Variants in ZNF493 observed in about 807,000 individuals in gnomAD.
ZNF493 encodes zinc finger protein 493.
ZNF493 carries 11 observed loss-of-function variants against 12.2 expected under a neutral mutation model. The ratio of observed to expected loss-of-function variants is 0.90; its 90% CI spans 0.57 to 1.50. The LOEUF (loss-of-function observed/expected upper bound fraction) is 1.50. Among genes scored for constraint, ZNF493 ranks in the 40% most tolerant of loss-of-function variants. The pLI, the probability that ZNF493 is intolerant of heterozygous loss-of-function variation, is 0.00. For missense variants in ZNF493, 950 were observed against 906.6 expected, an observed-to-expected ratio of 1.05 and a Z score of -0.61; for synonymous variants, 286 against 302.6, an observed-to-expected ratio of 0.95 and a Z score of 0.57.
chr19:21,416,462 C>T (rs1456340167), intron 3 of ZNF493, among the ~76,000 whole-genome samples: 2 of 152,184 alleles, frequency 1.3e-5, no homozygotes, highest in Non-Finnish European at 2.9e-5. Flanking sequence ...CTTCGATATA[C>T]TTCAGGGGCT....
Position 21,426,024 on chromosome 19 carries a change from G to A in ZNF493, c.*1040G>A, listed in dbSNP as rs1599383955. On this transcript the variant is annotated 3_prime_UTR_variant, in exon 4 of 4. Transcript: ENST00000392288. Reference sequence around the variant, plus strand: ...CATACTGGAGAGAAACCCTATGATTGTGAAAAATATGGCAAAGGCTTTAAC... The same window carrying A: ...CATACTGGAGAGAAACCCTATGATTATGAAAAATATGGCAAAGGCTTTAAC... The A allele has an allele frequency of 1.9e-6, 1 of 521,862 alleles. No homozygotes were observed. Among genetic ancestry groups the A allele is most frequent in the East Asian group, 5.5e-5 (1 of 18,180 alleles). 32.3% of individuals were successfully genotyped at this position (521,862 alleles called of 1,614,324 possible).
At chr19:21,403,148 T>G (rs1413130914) in intron 1 of ZNF493, among the ~76,000 whole-genome samples, 5 of 152,252 alleles carry the variant, frequency 3.3e-5, no homozygotes, top group Admixed American at 1.3e-4. Context: ...ATCTCTTTAC[T>G]TGTGCTCTCT....
chr19:21,423,196 GAAAC>G lies in ZNF493; in HGVS notation c.538_541del (p.Lys180LeufsTer105). 15 of 1,613,720 alleles carry G rather than the reference GAAAC, an allele frequency of 9.3e-6. No individual in the cohort carries two copies. Among genetic ancestry groups the G allele is most frequent in the Non-Finnish European group, 1.3e-5 (15 of 1,179,830 alleles). ...GACATAACACAAAACATACTGGAAA[GAAAC>G]CTTTCAAATGTAAAAAATGTGGCAA... On this transcript the variant is annotated frameshift_variant, in exon 4 of 4. Coordinates refer to ENST00000392288, the MANE Select transcript of ZNF493 (RefSeq NM_001076678.3). LOFTEE classifies it low-confidence loss of function (END_TRUNC).
intron 1 of ZNF493, 21 bp from the exon 2 acceptor site, chr19:21,405,108 G>A (rs1568377632): frequency 6.2e-7 from 1 of 1,608,814 alleles, no homozygotes; most frequent in Admixed American, 1.7e-5. Context: ...GTGTGTGTGT[G>A]TTTGTGTGTG....
At chr19:21,409,710 A>G (rs4638726) in intron 3 of ZNF493, among the ~76,000 whole-genome samples, 26,190 of 152,166 alleles carry the variant, frequency 0.17, 2,553 homozygotes, top group Non-Finnish European at 0.22. Flanking sequence ...GTGCCACTTC[A>G]TGTCAGCTTG....
intron 2 of ZNF493, 147 bp downstream of exon 2, chr19:21,405,402 GA>G (rs906568960): frequency 2.1e-6 from 3 of 1,458,304 alleles, no homozygotes; most frequent in Non-Finnish European, 2.7e-6. Flanking sequence ...TGTCCGTGTG[GA>G]AAAAAATTTC....
At position 21,420,655 on chromosome 19, in the gene ZNF493, T is replaced by TTTTC. The variant is rs766934918; in HGVS notation, c.254-2258_254-2257insTTTC. Among the ~76,000 whole-genome samples the TTTTC allele has an allele frequency of 3.6e-3, 166 of 46,496 alleles. 33 individuals carry two copies. Among genetic ancestry groups the TTTTC allele is most frequent in the East Asian group, 5.8e-3 (7 of 1,208 alleles). 30.5% of individuals were successfully genotyped at this position (46,496 alleles called of 152,430 possible). A position where few individuals can be genotyped will look rare whatever the true frequency, so the allele number is the denominator to read the frequency against. On this transcript the variant is annotated intron_variant, in intron 3 of 3. Coordinates refer to ENST00000392288, the MANE Select transcript of ZNF493 (RefSeq NM_001076678.3). ...TTTTTTTTTTTTTTTTTTTTTTTTT[T>TTTTC]CAGAACTTTGACTATATCACACAAT...
At position 21,406,736 on chromosome 19, in the gene ZNF493, G is replaced by GT. The variant is rs557257664; in HGVS notation, c.253+889dup. 2.8e-3 allele frequency among the ~76,000 whole-genome samples: 412 copies of GT among 148,006 alleles called. 2 individuals are homozygous for GT. Among genetic ancestry groups the GT allele is most frequent in the Middle Eastern group, 0.014 (4 of 282 alleles). ...ATAAAGTATGATGTCCCTCTGCTTT[G>GT]TTTTTTTTTCTCATAATTAATTTGG... On this transcript the variant is annotated intron_variant, in intron 3 of 3. Coordinates refer to ENST00000392288, the MANE Select transcript of ZNF493 (RefSeq NM_001076678.3).
rs2030724335 is a variant in ZNF493 at position 21,422,923 on chromosome 19, T to C, written c.264T>C (p.Ser88=). The part of the protein sequence containing the change: ...STVVKPPVIC[S]HFAEDFCPGP... Reference sequence around the variant, plus strand: ...TTTTATTTCTTTCAGTTATATGTTCTCATTTTGCTGAAGACTTTTGCCCAG... The same window carrying C: ...TTTTATTTCTTTCAGTTATATGTTCCCATTTTGCTGAAGACTTTTGCCCAG... Residue 88 remains serine, a synonymous_variant, in exon 4 of 4, where the codon TCT becomes TCC. Transcript: ENST00000392288. 1 of 1,553,194 alleles carries C rather than the reference T, an allele frequency of 6.4e-7. No homozygotes were observed. Among genetic ancestry groups the C allele is most frequent in the Non-Finnish European group, 8.7e-7 (1 of 1,155,346 alleles).
rs2030870950 is a variant in ZNF493, at chr19:21,426,956, T to C, written c.*1972T>C. 1 of 166,516 alleles carries C rather than the reference T, an allele frequency of 6.0e-6. No individual in the cohort carries two copies. Among genetic ancestry groups the C allele is most frequent in the South Asian group, 2.1e-4 (1 of 4,806 alleles). The allele number at this position is 166,516 out of a possible 1,614,324, so 10.3% of individuals were successfully genotyped here. Reference sequence around the variant, plus strand: ...AACTATATTCGGATTATACTTTGTTTCTTGAAAAAATTACAGATTTTTTGA... The same window carrying C: ...AACTATATTCGGATTATACTTTGTTCCTTGAAAAAATTACAGATTTTTTGA... On this transcript the variant is annotated 3_prime_UTR_variant, in exon 4 of 4. Transcript: ENST00000392288.
chr19:21,408,318 G>A (rs147838750), intron 3 of ZNF493: 56 of 626,338 alleles, frequency 8.9e-5, no homozygotes, highest in African/African-American at 7.0e-4. Flanking sequence ...TAGTGGAGAC[G>A]GGGTTTCACC....
chr19:21,424,852 T>C lies in ZNF493; in HGVS notation c.2193T>C (p.His731=), dbSNP rs754281440. ...AFNHSSNLIK[H]KLIHTGDKPY... ...ACCATTCCTCAAACCTTATTAAACA[T>C]AAGCTAATTCATACTGGAGACAAAC... The change falls in exon 4 of 4, where the codon CAT becomes CAC. Residue 731 remains histidine (H), a synonymous_variant. Transcript: ENST00000392288. The C allele has an allele frequency of 3.2e-5, 52 of 1,613,082 alleles. No individual in the cohort carries two copies. The South Asian group carries it at 5.1e-4, about 16-fold the overall frequency.
chr19:21,407,480 G>A (rs1163895863), intron 3 of ZNF493: 5 of 212,372 alleles, frequency 2.4e-5, no homozygotes, highest in Non-Finnish European at 4.0e-5. Flanking sequence ...CAGTAGAGAC[G>A]GGGTTTCACC....
At chr19:21,417,550 G>T (rs985496782) in intron 3 of ZNF493, among the ~76,000 whole-genome samples, 2 of 152,034 alleles carry the variant, frequency 1.3e-5, no homozygotes, top group African/African-American at 4.8e-5. Context: ...ATCCATATAC[G>T]GTTCTTTTGG....
chr19:21,399,109 G>C (rs1974219334), intron 1 of ZNF493, among the ~76,000 whole-genome samples: 1 of 151,934 alleles, frequency 6.6e-6, no homozygotes, highest in African/African-American at 2.4e-5. Context: ...TTATTGAATG[G>C]CCTGACTTGA....
rs375638999 is a variant in ZNF493, at chr19:21,424,913, C to T, written c.2254C>T (p.Arg752Trp). The change falls in exon 4 of 4, where the codon CGG becomes TGG. Residue 752 changes from arginine (R) to tryptophan (W), a missense_variant. Physicochemically the swap from Arg to Trp is moderately radical, Grantham distance 101. Transcript: ENST00000392288. ...TGAAGCATGTGGCAAAGCTTTTAGG[C>T]GGTCTTCACATCTTAGTAGACATAA... ...KCEACGKAFR[R>W]SSHLSRHKII... 24 of 1,611,938 alleles carry T rather than the reference C, an allele frequency of 1.5e-5. No homozygotes were observed. The highest frequency in any genetic ancestry group is 8.9e-5 in the East Asian group (4 of 44,768).
At chr19:21,409,013 T>C (rs1198643792) in intron 3 of ZNF493, among the ~76,000 whole-genome samples, 1 of 151,592 alleles carries the variant, frequency 6.6e-6, no homozygotes, top group Non-Finnish European at 1.5e-5. Context: ...GCCTCCCAAG[T>C]AGCTGGGACT....
intron 1 of ZNF493, among the ~76,000 whole-genome samples, chr19:21,402,759 G>A (rs772057483): frequency 3.2e-4 from 48 of 152,120 alleles, no homozygotes; most frequent in Admixed American, 1.1e-3. Context: ...TATATGAGAG[G>A]CTCCAGGTAT....
Position 21,397,399 on chromosome 19 carries a change from G to T in ZNF493, c.30+132G>T, listed in dbSNP as rs1354987651. 6 of 1,191,186 alleles carry T rather than the reference G, an allele frequency of 5.0e-6. No individual in the cohort carries two copies. In the Admixed American group the frequency reaches 5.2e-5, roughly 10 times the overall value. The allele number at this position is 1,191,186 out of a possible 1,614,324, so 73.8% of individuals were successfully genotyped here. Reference sequence around the variant, plus strand: ...CTGCTCCCTGAGTTCTCCTTGCCCAGCTCGGCCTCAGTCTCCTTCAGCCGT... The same window carrying T: ...CTGCTCCCTGAGTTCTCCTTGCCCATCTCGGCCTCAGTCTCCTTCAGCCGT... On this transcript the variant is annotated intron_variant, in intron 1 of 3. Transcript: ENST00000392288.
Sources: allele counts gnomAD v4.1 joint callset (sites outside exome capture counted in the v4.1 genomes callset), GRCh38; gene constraint gnomAD v4.1.1; transcripts MANE v1.5; gene names NCBI Gene and HGNC (gene_info 2026-07-23, HGNC 2026-07-21).